The following PCSK6 variants were observed in gnomAD, a reference collection of about 807,000 sequenced individuals.
The protein encoded by PCSK6 is paired basic amino acid cleaving enzyme 4.
In PCSK6, 85 loss-of-function variants were observed where a neutral mutation model predicts 123.3. The ratio of observed to expected loss-of-function variants is 0.69; its 90% CI spans 0.58 to 0.83. PCSK6 has a LOEUF of 0.83. Among genes scored for constraint, PCSK6 ranks in the 40% least tolerant of loss-of-function variants. The pLI, the probability that PCSK6 is intolerant of heterozygous loss-of-function variation, is 0.00. For missense variants in PCSK6, 1,191 were observed against 1,282.3 expected (o/e 0.93, Z 1.09); for synonymous variants, 508 against 516.0 (o/e 0.98, Z 0.21).
chr15:101,429,031 C>G (rs557641439), intron 5 of PCSK6, among the ~76,000 whole-genome samples: 23 of 152,258 alleles, frequency 1.5e-4, no homozygotes, highest in African/African-American at 5.5e-4. Context: ...CTCCAGTGGC[C>G]GAGGCTTCCT....
At chr15:101,470,090 C>T (rs1596370754) in intron 1 of PCSK6, among the ~76,000 whole-genome samples, 1 of 152,284 alleles carries the variant, frequency 6.6e-6, no homozygotes, top group Non-Finnish European at 1.5e-5. Context: ...TGAACCATTC[C>T]AACTCAGGGA....
At chr15:101,337,236 C>T (rs1184142535) in intron 13 of PCSK6, 1 of 152,162 alleles carries the variant, frequency 6.6e-6, no homozygotes, top group Non-Finnish European at 1.5e-5. Context: ...GTCTCTTGAC[C>T]TTGTGATCCG....
chr15:101,371,486 C>T (rs1054875360), intron 11 of PCSK6, among the ~76,000 whole-genome samples: 1 of 152,344 alleles, frequency 6.6e-6, no homozygotes, highest in East Asian at 1.9e-4. Context: ...AATCCCACTA[C>T]TTTGTTCCGA....
chr15:101,307,392 A>G, intron 20 of PCSK6, 67 bp from the exon 21 acceptor site: 1 of 1,180,256 alleles, frequency 8.5e-7, no homozygotes, highest in Non-Finnish European at 1.2e-6. Context: ...CTCCCTTCCC[A>G]GAACCCTCAC....
At chr15:101,346,989 G>A in intron 13 of PCSK6, 1 of 1,231,744 alleles carries the variant, frequency 8.1e-7, no homozygotes, top group African/African-American at 1.5e-5. Context: ...AGGAGGTAAA[G>A]AGATTGACTG....
Position 101,382,158 on chromosome 15 carries a change from T to C in PCSK6, c.1466A>G (p.Glu489Gly). 6.2e-7 allele frequency: 1 copy of C among 1,613,044 alleles called. No homozygotes were observed. Residue 489 changes from glutamate to glycine, a missense_variant, in exon 11 of 22, where the codon GAG (glutamate) becomes GGG (glycine). Around this residue, in one of 3 missense-constraint regions of PCSK6, gnomAD observed 630 missense variants for 631.4 expected, o/e 1.00. Coordinates refer to ENST00000611716, the MANE Select transcript of PCSK6 (RefSeq NM_002570.5). ...TGGCACTGCTGTCCACTTCTTTGCCTCCACAACGAGAGCTTCTGCGTCCAC... is the reference window on the plus strand; with the variant it reads ...TGGCACTGCTGTCCACTTCTTTGCCCCCACAACGAGAGCTTCTGCGTCCAC... ...GLVDAEALVV[E>G]AKKWTAVPSQ... is the part of the protein sequence containing the mutation.
At chr15:101,443,339 G>A (rs1185524548) in intron 2 of PCSK6, among the ~76,000 whole-genome samples, 1 of 152,196 alleles carries the variant, frequency 6.6e-6, no homozygotes, top group Admixed American at 6.5e-5. Context: ...TCTCCTGTGA[G>A]TATTGTGTTT....
chr15:101,469,603 A>G (rs28570254), intron 1 of PCSK6, among the ~76,000 whole-genome samples: 29,896 of 152,174 alleles, frequency 0.2, 3,126 homozygotes, highest in African/African-American at 0.25. Flanking sequence ...AGAACATGCC[A>G]GGCAGGCGAA....
rs73483114 is a variant in PCSK6, at chr15:101,438,574, C to T, written c.402+4982G>A. Among the ~76,000 whole-genome samples the T allele has an allele frequency of 7.9e-3, 1,198 of 152,348 alleles. 25 individuals are homozygous for T. Among genetic ancestry groups the T allele is most frequent in the African/African-American group, 0.027 (1,116 of 41,566 alleles). ...CTTGCATGCTTTGAACTCCAAGTTC[C>T]TCTCTCCCGAGGCATCCGCACAGCA... On this transcript the variant is annotated intron_variant, in intron 2 of 21. Coordinates refer to ENST00000611716, the MANE Select transcript of PCSK6 (RefSeq NM_002570.5).
intron 15 of PCSK6, 55 bp from the exon 16 acceptor site, chr15:101,326,534 C>A (rs2040257660): frequency 1.4e-6 from 2 of 1,460,508 alleles, no homozygotes; most frequent in African/African-American, 2.8e-5. Context: ...CCATCTACTG[C>A]AGTCCCGCGG....
intron 13 of PCSK6, among the ~76,000 whole-genome samples, chr15:101,358,163 G>A (rs1468544719): frequency 6.6e-6 from 1 of 152,154 alleles, no homozygotes; most frequent in East Asian, 1.9e-4. Context: ...GGCCAGCCCT[G>A]AGAAGTCTCA....
intron 7 of PCSK6, among the ~76,000 whole-genome samples, chr15:101,396,514 CT>C (rs1366716694): frequency 6.6e-6 from 1 of 152,222 alleles, no homozygotes; most frequent in East Asian, 1.9e-4. Flanking sequence ...CTTACCCACC[CT>C]CTCCGAAGCT....
chr15:101,388,856 A>G (rs568161935), intron 9 of PCSK6, among the ~76,000 whole-genome samples: 10 of 152,356 alleles, frequency 6.6e-5, no homozygotes, highest in Admixed American at 2.6e-4. Context: ...TGAAATTCAT[A>G]GAGACAGAAA....
At chr15:101,393,101 G>T in intron 8 of PCSK6, 111 bp downstream of exon 8, 1 of 927,602 alleles carries the variant, frequency 1.1e-6, no homozygotes, top group Non-Finnish European at 1.7e-6. Context: ...CCTGGGATCC[G>T]GAACAATCTG....
At chr15:101,413,753 G>T (rs1440505101) in intron 6 of PCSK6, among the ~76,000 whole-genome samples, 2 of 152,134 alleles carry the variant, frequency 1.3e-5, no homozygotes, top group Non-Finnish European at 2.9e-5. Flanking sequence ...CAAATGCCTT[G>T]ACTTGATCAT....
chr15:101,357,217 C>CGT (rs747619357), intron 13 of PCSK6, among the ~76,000 whole-genome samples: 9 of 152,156 alleles, frequency 5.9e-5, no homozygotes, highest in South Asian at 4.1e-4. Flanking sequence ...CTGGTCTACG[C>CGT]GTGTGTGTGT....
intron 1 of PCSK6, among the ~76,000 whole-genome samples, chr15:101,451,683 G>T (rs535218220): frequency 6.6e-6 from 1 of 152,358 alleles, no homozygotes; most frequent in South Asian, 2.1e-4. Context: ...TTCAGGGCCG[G>T]CATCTGCCGA....
intron 1 of PCSK6, among the ~76,000 whole-genome samples, chr15:101,486,758 C>T (rs148263041): frequency 2.0e-4 from 30 of 152,232 alleles, no homozygotes; most frequent in Non-Finnish European, 3.5e-4. Context: ...GAAAGTAAAA[C>T]AAGCAAGAAC....
At chr15:101,407,049 A>C (rs2042802335) in intron 6 of PCSK6, among the ~76,000 whole-genome samples, 1 of 152,112 alleles carries the variant, frequency 6.6e-6, no homozygotes, top group African/African-American at 2.4e-5. Context: ...CAGCTCTCTC[A>C]GCCAGCGACC....
Sources: allele counts gnomAD v4.1 joint callset (sites outside exome capture counted in the v4.1 genomes callset), GRCh38; gene constraint gnomAD v4.1.1; regional missense constraint gnomAD v4.1.1; transcripts MANE v1.5; gene names NCBI Gene and HGNC (gene_info 2026-07-23, HGNC 2026-07-21).